Variants in GLDN observed in about 807,000 individuals in gnomAD.
GLDN encodes the protein collomin.
In GLDN, 47 loss-of-function variants were observed where a neutral mutation model predicts 56.5. The ratio of observed to expected loss-of-function variants is 0.83; its 90% CI spans 0.66 to 1.06. GLDN has a LOEUF of 1.06. GLDN is among the 50% of genes least tolerant of loss of function. The probability of loss-of-function intolerance (pLI) is 0.00; values close to 1 mark genes in which losing one functional copy is unlikely to be tolerated. For synonymous variants in GLDN, 332 were observed against 278.8 expected, an observed-to-expected ratio of 1.19 and a Z score of -1.90; for missense variants, 782 against 714.3, an observed-to-expected ratio of 1.09 and a Z score of -1.08.
At chr15:51,395,963 C>T (rs1356947416) in intron 5 of GLDN, among the ~76,000 whole-genome samples, 1 of 152,000 alleles carries the variant, frequency 6.6e-6, no homozygotes, top group Non-Finnish European at 1.5e-5. Context: ...TTTTAAATGA[C>T]CGAATCTCGC....
chr15:51,341,853 C>A lies in GLDN; in HGVS notation c.169C>A (p.Arg57=), dbSNP rs761883667. Residue 57 remains arginine (R), a synonymous_variant, in exon 1 of 10, where the codon CGG becomes AGG. Coordinates refer to ENST00000335449, the MANE Select transcript of GLDN (RefSeq NM_181789.4). ...ALRALEAQRG[R]EQREDSALRS... is the part of the protein sequence containing the mutation. ...GCGGGCTTTGGAGGCGCAGCGGGGC[C>A]GGGAGCAGCGCGAGGACAGTGCCCT... is the stretch of plus-strand genomic sequence containing the variant. 1.3e-6 allele frequency: 2 copies of A among 1,530,652 alleles called. No homozygotes were observed. Among genetic ancestry groups the A allele is most frequent in the Admixed American group, 3.9e-5 (2 of 50,684 alleles). 94.8% of individuals were successfully genotyped at this position (1,530,652 alleles called of 1,614,324 possible). A position where few individuals can be genotyped will look rare whatever the true frequency, so the allele number is the denominator to read the frequency against.
At chr15:51,368,571 A>G (rs1267911090) in intron 1 of GLDN, among the ~76,000 whole-genome samples, 1 of 151,364 alleles carries the variant, frequency 6.6e-6, no homozygotes, top group East Asian at 1.9e-4. Context: ...TCGTGTTTCC[A>G]AGCAGCTGCA....
At chr15:51,401,082 T>G (rs900716310) in intron 8 of GLDN, among the ~76,000 whole-genome samples, 11 of 152,158 alleles carry the variant, frequency 7.2e-5, no homozygotes, top group African/African-American at 2.7e-4. Flanking sequence ...GTTGGAGAAA[T>G]AGCTGAGAAG....
intron 1 of GLDN, chr15:51,360,591 G>C (rs982515562): frequency 6.6e-6 from 1 of 152,394 alleles, no homozygotes; most frequent in African/African-American, 2.4e-5. Flanking sequence ...ACACTGGCAC[G>C]GCCTTCTCAG....
intron 1 of GLDN, among the ~76,000 whole-genome samples, chr15:51,352,946 T>A (rs547872093): frequency 6.7e-6 from 1 of 149,740 alleles, no homozygotes; most frequent in African/African-American, 2.5e-5. Flanking sequence ...AACAAAAAAA[T>A]TAGCCACAAG....
At chr15:51,397,073 C>T (rs997134648) in intron 5 of GLDN, among the ~76,000 whole-genome samples, 1 of 152,112 alleles carries the variant, frequency 6.6e-6, no homozygotes. Flanking sequence ...ATTGAAAAGA[C>T]CAGGTCAGAG....
intron 3 of GLDN, 81 bp from the exon 4 acceptor site, chr15:51,383,704 G>C: frequency 8.8e-7 from 1 of 1,130,760 alleles, no homozygotes; most frequent in Non-Finnish European, 1.3e-6. Flanking sequence ...AGTTTCACTG[G>C]TAAAGGAAAT....
downstream of GLDN, among the ~76,000 whole-genome samples, chr15:51,408,173 C>T (rs2038423846): frequency 1.3e-5 from 2 of 152,192 alleles, no homozygotes; most frequent in Admixed American, 6.5e-5. Flanking sequence ...TTGATATGGA[C>T]TGTCTCTTCT....
At position 51,385,707 on chromosome 15, in the gene GLDN, G is replaced by A. The variant is rs192324211; in HGVS notation, c.541+1815G>A. ...GACCTTTGAGCAAATACCAAGAGGA[G>A]GTAAAAGAGGGTCTCAGGGTTTCTG... On this transcript the variant is annotated intron_variant, in intron 4 of 9. Coordinates refer to ENST00000335449, the MANE Select transcript of GLDN (RefSeq NM_181789.4). Among the ~76,000 whole-genome samples, 11 of 152,288 alleles carry A rather than the reference G, an allele frequency of 7.2e-5. No homozygotes were observed. In the East Asian group the frequency reaches 1.9e-3, roughly 27 times the overall value.
rs192254432 is a variant in GLDN, at chr15:51,388,440, C to T, written c.541+4548C>T. ...CGCTGTTGTGCTAATGGTCTGACTC[C>T]CCAAGCGCAATCAATCGAAATATCC... On this transcript the variant is annotated intron_variant, in intron 4 of 9. Transcript: ENST00000335449. Among the ~76,000 whole-genome samples the T allele has an allele frequency of 2.5e-3, 378 of 152,222 alleles. 2 individuals are homozygous for T. Among genetic ancestry groups the T allele is most frequent in the African/African-American group, 8.9e-3 (369 of 41,526 alleles).
intron 1 of GLDN, among the ~76,000 whole-genome samples, chr15:51,349,407 T>C (rs2087821027): frequency 6.6e-6 from 1 of 152,398 alleles, no homozygotes; most frequent in Admixed American, 6.5e-5. Context: ...TCTAGCCTGC[T>C]ATTCTACTTG....
chr15:51,385,763 C>T (rs1431336933), intron 4 of GLDN, among the ~76,000 whole-genome samples: 3 of 152,106 alleles, frequency 2.0e-5, no homozygotes, highest in Non-Finnish European at 4.4e-5. Context: ...AGTGTGTAAG[C>T]CACCAGGGTA....
intron 1 of GLDN, among the ~76,000 whole-genome samples, chr15:51,373,514 A>G (rs567575038): frequency 1.3e-5 from 2 of 152,360 alleles, no homozygotes; most frequent in East Asian, 1.9e-4. Flanking sequence ...CTGAATAATG[A>G]TAAGTGCTAC....
chr15:51,397,641 A>G (rs776091046), intron 6 of GLDN, 43 bp downstream of exon 6: 14 of 1,510,006 alleles, frequency 9.3e-6, no homozygotes, highest in Non-Finnish European at 1.2e-5. Flanking sequence ...TCTGTCAATT[A>G]TTCCAAACTC....
At chr15:51,396,223 G>T (rs190737975) in intron 5 of GLDN, among the ~76,000 whole-genome samples, 1 of 152,166 alleles carries the variant, frequency 6.6e-6, no homozygotes, top group Non-Finnish European at 1.5e-5. Context: ...GGCCAGGGGC[G>T]CAGATGTTCC....
At chr15:51,343,205 T>C (rs1038644846) in intron 1 of GLDN, among the ~76,000 whole-genome samples, 8 of 152,250 alleles carry the variant, frequency 5.3e-5, no homozygotes, top group African/African-American at 1.9e-4. Context: ...TGAAATGCTT[T>C]TAAAACTACG....
chr15:51,411,745 C>T (rs909762868), downstream of GLDN, among the ~76,000 whole-genome samples: 1 of 152,182 alleles, frequency 6.6e-6, no homozygotes, highest in Admixed American at 6.5e-5. Context: ...TTTTGACAAG[C>T]ATCTTTGACT....
intron 2 of GLDN, among the ~76,000 whole-genome samples, 197 bp downstream of exon 2, chr15:51,377,697 T>C (rs1430786067): frequency 6.6e-6 from 1 of 152,228 alleles, no homozygotes; most frequent in African/African-American, 2.4e-5. Flanking sequence ...CATAGAAATA[T>C]AGCCATGGAA....
chr15:51,395,510 G>T (rs1351481578), intron 5 of GLDN, among the ~76,000 whole-genome samples: 1 of 152,172 alleles, frequency 6.6e-6, no homozygotes, highest in East Asian at 1.9e-4. Context: ...GTGACATGGG[G>T]CTTTACTGGG....
Sources: allele counts gnomAD v4.1 joint callset (sites outside exome capture counted in the v4.1 genomes callset), GRCh38; gene constraint gnomAD v4.1.1; transcripts MANE v1.5; gene names NCBI Gene and HGNC (gene_info 2026-07-23, HGNC 2026-07-21).